Variants in CDH4 observed in about 807,000 individuals in gnomAD.
The protein encoded by CDH4 is cadherin-4.
CDH4 carries 33 observed loss-of-function variants against 86.0 expected under a neutral mutation model. The observed-to-expected ratio is 0.38, with a 90% CI of 0.29 to 0.51. The LOEUF is 0.51. CDH4 is among the 20% of genes least tolerant of loss of function. The probability of loss-of-function intolerance (pLI) is 0.86; values close to 1 mark genes in which losing one functional copy is unlikely to be tolerated. For missense variants in CDH4, 1,114 were observed against 1,307.4 expected, an observed-to-expected ratio of 0.85 and a Z score of 2.28; for synonymous variants, 555 against 549.4, an observed-to-expected ratio of 1.01 and a Z score of -0.14.
chr20:61,444,030 G>A (rs1362103261), intron 2 of CDH4, among the ~76,000 whole-genome samples: 6 of 145,778 alleles, frequency 4.1e-5, no homozygotes, highest in African/African-American at 1.6e-4. Context: ...GTATCTATGT[G>A]TGTGTATCTT....
In CDH4 at chr20:61,885,706, T is replaced by G. The variant is rs112691199; in HGVS notation, c.1051-9204T>G. On this transcript the variant is annotated intron_variant, in intron 7 of 15. Transcript: ENST00000614565. Reference sequence around the variant, plus strand: ...CTTGACTTGTGAGGACCCGCCAGCCTGTTTTCCGTGGTGCCTGCACTCCCT... The same window carrying G: ...CTTGACTTGTGAGGACCCGCCAGCCGGTTTTCCGTGGTGCCTGCACTCCCT... Among the ~76,000 whole-genome samples the G allele has an allele frequency of 2.0e-3, 299 of 152,304 alleles. 1 individual carries two copies. The highest frequency in any genetic ancestry group is 6.7e-3 in the African/African-American group (279 of 41,556).
At chr20:61,624,005 T>C (rs1053125555) in intron 2 of CDH4, among the ~76,000 whole-genome samples, 1 of 152,190 alleles carries the variant, frequency 6.6e-6, no homozygotes, top group Non-Finnish European at 1.5e-5. Context: ...CACCATCAGA[T>C]GCTGGTGTGC....
intron 2 of CDH4, among the ~76,000 whole-genome samples, chr20:61,656,307 A>T (rs113628014): frequency 6.8e-5 from 4 of 58,542 alleles, no homozygotes; most frequent in Non-Finnish European, 9.3e-5. Flanking sequence ...GTGGGTAGGC[A>T]CGTGCTGAAG....
At chr20:61,602,391 CAT>C (rs1568707553) in intron 2 of CDH4, among the ~76,000 whole-genome samples, 2 of 152,184 alleles carry the variant, frequency 1.3e-5, no homozygotes, top group African/African-American at 4.8e-5. Context: ...AGGAAACTCA[CAT>C]GTCTTAACTT....
Position 61,811,140 on chromosome 20 carries a change from A to G in CDH4, c.577-33528A>G, listed in dbSNP as rs997837685. On this transcript the variant is annotated intron_variant, in intron 4 of 15. Transcript: ENST00000614565. The surrounding 1 kb of genome is among the most constrained non-coding windows in gnomAD (Gnocchi z 4.4). ...CTGCTCTGGAAGAACAACAGAAACCACATTTCCAAAAAACCAAACATCCCC... is the reference window on the plus strand; with the variant it reads ...CTGCTCTGGAAGAACAACAGAAACCGCATTTCCAAAAAACCAAACATCCCC... Among the ~76,000 whole-genome samples, 1 of 152,068 alleles carries G rather than the reference A, an allele frequency of 6.6e-6. No homozygotes were observed. Among genetic ancestry groups the G allele is most frequent in the African/African-American group, 2.4e-5 (1 of 41,410 alleles).
chr20:61,531,641 C>T (rs898557119), intron 2 of CDH4, among the ~76,000 whole-genome samples: 5 of 152,212 alleles, frequency 3.3e-5, no homozygotes, highest in African/African-American at 4.8e-5. Flanking sequence ...ATGGCATTCA[C>T]GGACCATCCC....
chr20:61,883,940 C>G (rs561948862), intron 7 of CDH4, among the ~76,000 whole-genome samples: 1 of 152,316 alleles, frequency 6.6e-6, no homozygotes, highest in Admixed American at 6.5e-5. Flanking sequence ...ATCCCCACCC[C>G]CCAACCCCCG....
At chr20:61,472,858 T>C (rs1196786190) in intron 2 of CDH4, among the ~76,000 whole-genome samples, 1 of 152,222 alleles carries the variant, frequency 6.6e-6, no homozygotes, top group Admixed American at 6.5e-5. Context: ...GAATCATCTA[T>C]TCTCATTTTG....
chr20:61,891,105 G>T (rs1382876983), intron 7 of CDH4, among the ~76,000 whole-genome samples: 1 of 152,134 alleles, frequency 6.6e-6, no homozygotes. Flanking sequence ...GCACAGAGGG[G>T]CAGGGATAGG....
At chr20:61,916,364 A>C (rs1480421991) in intron 9 of CDH4, among the ~76,000 whole-genome samples, 2 of 152,246 alleles carry the variant, frequency 1.3e-5, no homozygotes, top group African/African-American at 4.8e-5. Context: ...TCTGTGCCTC[A>C]GTTACCTCAA....
Position 61,363,210 on chromosome 20 carries a change from A to G in CDH4, c.169+108273A>G, listed in dbSNP as rs529981239. ...ACATGTGTGAGCTGGCCATTTTCTCATCCTCCCATCCGTTTGTTCTTTAAC... is the reference window on the plus strand; with the variant it reads ...ACATGTGTGAGCTGGCCATTTTCTCGTCCTCCCATCCGTTTGTTCTTTAAC... On this transcript the variant is annotated intron_variant, in intron 2 of 15. Transcript: ENST00000614565. 2.9e-3 allele frequency among the ~76,000 whole-genome samples: 439 copies of G among 152,054 alleles called. 3 individuals are homozygous for G. Among genetic ancestry groups the G allele is most frequent in the African/African-American group, 9.9e-3 (410 of 41,468 alleles).
intron 4 of CDH4, among the ~76,000 whole-genome samples, chr20:61,789,139 A>G (rs754330445): frequency 2.6e-5 from 4 of 152,132 alleles, no homozygotes; most frequent in African/African-American, 9.7e-5. Context: ...CAACCCGGGG[A>G]AAAGTCCTCG....
intron 2 of CDH4, among the ~76,000 whole-genome samples, chr20:61,485,506 A>G (rs1358459786): frequency 6.6e-6 from 1 of 152,238 alleles, no homozygotes; most frequent in Non-Finnish European, 1.5e-5. Context: ...GATCCAGCCC[A>G]GGCTCCTAAG....
intron 2 of CDH4, among the ~76,000 whole-genome samples, chr20:61,515,686 G>A (rs980491493): frequency 6.6e-6 from 1 of 152,176 alleles, no homozygotes; most frequent in Non-Finnish European, 1.5e-5. Flanking sequence ...TCAGGGCTCC[G>A]GTGTAGTCTA....
intron 2 of CDH4, among the ~76,000 whole-genome samples, chr20:61,728,527 G>C (rs573763767): frequency 4.9e-4 from 74 of 152,256 alleles, no homozygotes; most frequent in Non-Finnish European, 9.1e-4. Flanking sequence ...GATGCCCCCA[G>C]GTGAGCACTG....
intron 2 of CDH4, among the ~76,000 whole-genome samples, chr20:61,565,404 G>GT (rs1555809246): frequency 1.1e-4 from 2 of 17,744 alleles, no homozygotes; most frequent in African/African-American, 1.5e-3. Flanking sequence ...GATGGTGGTG[G>GT]CGGTGCTCTT....
At chr20:61,381,823 C>G (rs1281783677) in intron 2 of CDH4, among the ~76,000 whole-genome samples, 3 of 152,122 alleles carry the variant, frequency 2.0e-5, no homozygotes, top group Non-Finnish European at 4.4e-5. Context: ...CACCTGTAAT[C>G]CTAGCACTTT....
intron 2 of CDH4, among the ~76,000 whole-genome samples, chr20:61,331,604 GGCC>G (rs1568801033): frequency 2.0e-5 from 2 of 102,556 alleles, no homozygotes; most frequent in African/African-American, 4.8e-5. Context: ...CTCCTGCCCC[GGCC>G]ACCTGCCCCA....
intron 6 of CDH4, among the ~76,000 whole-genome samples, chr20:61,856,925 C>T (rs1983039807): frequency 6.6e-6 from 1 of 152,240 alleles, no homozygotes. Context: ...GATGTGTTTC[C>T]AGAGTCTCCC....
Sources: allele counts gnomAD v4.1 joint callset (sites outside exome capture counted in the v4.1 genomes callset), GRCh38; gene constraint gnomAD v4.1.1; non-coding constraint Gnocchi (gnomAD v3.1); transcripts MANE v1.5; gene names NCBI Gene and HGNC (gene_info 2026-07-23, HGNC 2026-07-21).